The following KLHDC10 variants were observed in gnomAD, a reference collection of about 807,000 sequenced individuals.
KLHDC10 encodes kelch domain-containing protein 10.
A neutral mutation model predicts 56.1 loss-of-function variants in KLHDC10; 24 were observed. The ratio of observed to expected loss-of-function variants is 0.43; its 90% CI spans 0.31 to 0.60. The LOEUF (loss-of-function observed/expected upper bound fraction) is 0.60, where lower values mean the gene tolerates loss of function less well. Among genes scored for constraint, KLHDC10 ranks in the 20% least tolerant of loss-of-function variants. KLHDC10 has a pLI of 0.11. For missense variants in KLHDC10, 349 were observed against 567.0 expected, an observed-to-expected ratio of 0.62 and a Z score of 3.91; for synonymous variants, 188 against 207.1, an observed-to-expected ratio of 0.91 and a Z score of 0.79.
chr7:130,106,689 C>T (rs1796012012), intron 2 of KLHDC10, among the ~76,000 whole-genome samples: 1 of 152,148 alleles, frequency 6.6e-6, no homozygotes, highest in Non-Finnish European at 1.5e-5. Flanking sequence ...TGAATACAAA[C>T]TTTGTGTTGG....
intron 1 of KLHDC10, among the ~76,000 whole-genome samples, chr7:130,089,796 T>A (rs1182717153): frequency 6.6e-6 from 1 of 152,220 alleles, no homozygotes; most frequent in East Asian, 1.9e-4. Context: ...TTATAGATCC[T>A]GAATTGTATA....
At chr7:130,099,007 A>T (rs2116873647) in intron 2 of KLHDC10, among the ~76,000 whole-genome samples, 1 of 152,338 alleles carries the variant, frequency 6.6e-6, no homozygotes, top group South Asian at 2.1e-4. Context: ...CAGCAACATC[A>T]GGATCACTAG....
At chr7:130,099,580 C>A (rs561097553) in intron 2 of KLHDC10, among the ~76,000 whole-genome samples, 1 of 152,084 alleles carries the variant, frequency 6.6e-6, no homozygotes, top group Admixed American at 6.6e-5. Context: ...GGGTTGGATC[C>A]TCTCAAACCA....
rs909813414 is a variant in KLHDC10 at position 130,134,771 on chromosome 7, C to T, written c.*4025C>T. 3 of 151,898 alleles carry T rather than the reference C, an allele frequency of 2.0e-5. No homozygotes were observed. The highest frequency in any genetic ancestry group is 7.3e-5 in the African/African-American group (3 of 41,328). 9.4% of individuals were successfully genotyped at this position (151,898 alleles called of 1,614,324 possible). On this transcript the variant is annotated 3_prime_UTR_variant, in exon 10 of 10. Coordinates refer to ENST00000335420, the MANE Select transcript of KLHDC10 (RefSeq NM_014997.4). ...TTTTTTATTTTTCTGGCATTGAGCT[C>T]TAGGGTGGATGAGGGTTTATGGTCC...
chr7:130,075,548 A>T (rs1317001312), intron 1 of KLHDC10, among the ~76,000 whole-genome samples: 1 of 152,108 alleles, frequency 6.6e-6, no homozygotes, highest in Non-Finnish European at 1.5e-5. Flanking sequence ...CTTTGTGGAG[A>T]TGGTAGCATT....
rs374205614 is a variant in KLHDC10, at chr7:130,100,998, T to TA, written c.253+4003dup. Among the ~76,000 whole-genome samples, 1,163 of 120,902 alleles carry TA rather than the reference T, an allele frequency of 9.6e-3. 13 individuals are homozygous for TA. Among genetic ancestry groups the TA allele is most frequent in the African/African-American group, 0.028 (949 of 34,498 alleles). 79.3% of individuals were successfully genotyped at this position (120,902 alleles called of 152,430 possible). ...AAGACAAAGAATAAATCATTGTAATTAAAAAAAAAAAACAAAAAAAACAGA... is the reference window on the plus strand; with the variant it reads ...AAGACAAAGAATAAATCATTGTAATTAAAAAAAAAAAAACAAAAAAAACAGA... On this transcript the variant is annotated intron_variant, in intron 2 of 9. Coordinates refer to ENST00000335420, the MANE Select transcript of KLHDC10 (RefSeq NM_014997.4).
At chr7:130,108,153 CG>C (rs1276703868) in intron 2 of KLHDC10, among the ~76,000 whole-genome samples, 1 of 149,750 alleles carries the variant, frequency 6.7e-6, no homozygotes, top group African/African-American at 2.5e-5. Context: ...CGCCTGAACC[CG>C]GAGGCGGAAG....
intron 1 of KLHDC10, among the ~76,000 whole-genome samples, chr7:130,080,798 A>G (rs1284203380): frequency 6.6e-6 from 1 of 152,064 alleles, no homozygotes; most frequent in Non-Finnish European, 1.5e-5. Context: ...GTTCATCCAG[A>G]TTTTCAAAAT....
At chr7:130,126,011 T>A in intron 7 of KLHDC10, 80 bp downstream of exon 7, 1 of 1,036,862 alleles carries the variant, frequency 9.6e-7, no homozygotes, top group South Asian at 1.5e-5. Flanking sequence ...AAAAGTAATT[T>A]TACTGAGTTA....
rs543853885 is a variant in KLHDC10 at position 130,106,039 on chromosome 7, C to T, written c.253+9032C>T. Among the ~76,000 whole-genome samples, 51 of 152,170 alleles carry T rather than the reference C, an allele frequency of 3.4e-4. 2 individuals carry two copies. The Middle Eastern group carries it at 0.01, about 30-fold the overall frequency. ...TGGTGCATGCCTGTAATCCTGGCTA[C>T]TCGGGAGACTGAGACAGGAGAATCG... On this transcript the variant is annotated intron_variant, in intron 2 of 9. Coordinates refer to ENST00000335420, the MANE Select transcript of KLHDC10 (RefSeq NM_014997.4).
intron 1 of KLHDC10, among the ~76,000 whole-genome samples, chr7:130,086,490 C>T (rs1349847260): frequency 6.6e-6 from 1 of 152,204 alleles, no homozygotes; most frequent in East Asian, 1.9e-4. Context: ...GTCTCCCTAG[C>T]AGTGCCATCT....
At chr7:130,106,939 C>A (rs761296510) in intron 2 of KLHDC10, among the ~76,000 whole-genome samples, 6 of 152,168 alleles carry the variant, frequency 3.9e-5, no homozygotes, top group Non-Finnish European at 8.8e-5. Flanking sequence ...CTGCTACGTT[C>A]CAGCCTGGGC....
At chr7:130,119,152 T>A (rs1009531215) in intron 3 of KLHDC10, among the ~76,000 whole-genome samples, 17 of 150,600 alleles carry the variant, frequency 1.1e-4, no homozygotes, top group African/African-American at 4.2e-4. Context: ...AAGGCTGCAG[T>A]GAGCCATGTT....
chr7:130,096,860 C>A, intron 1 of KLHDC10, 61 bp from the exon 2 acceptor site: 1 of 1,139,574 alleles, frequency 8.8e-7, no homozygotes, highest in Non-Finnish European at 1.3e-6. Context: ...ACTACAGTAA[C>A]TATGTATTAT....
chr7:130,102,350 G>A (rs1347175136), intron 2 of KLHDC10, among the ~76,000 whole-genome samples: 1 of 152,146 alleles, frequency 6.6e-6, no homozygotes, highest in Non-Finnish European at 1.5e-5. Context: ...ATTAATATGA[G>A]TAGGTGATAA....
rs1796433543 is a variant in KLHDC10 at position 130,133,897 on chromosome 7, G to A, written c.*3151G>A. 6.6e-6 allele frequency: 1 copy of A among 152,026 alleles called. No homozygotes were observed. The highest frequency in any genetic ancestry group is 2.1e-4 in the South Asian group (1 of 4,828). 9.4% of individuals were successfully genotyped at this position (152,026 alleles called of 1,614,324 possible). A position where few individuals can be genotyped will look rare whatever the true frequency, so the allele number is the denominator to read the frequency against. On this transcript the variant is annotated 3_prime_UTR_variant, in exon 10 of 10. Coordinates refer to ENST00000335420, the MANE Select transcript of KLHDC10 (RefSeq NM_014997.4). ...CAGAATAGGTTGAAATCTTAACTGG[G>A]GCTAAACAAAACCCTTTCCATTGGC...
chr7:130,128,268 A>T (rs1796339878), intron 8 of KLHDC10, among the ~76,000 whole-genome samples: 1 of 152,236 alleles, frequency 6.6e-6, no homozygotes, highest in Non-Finnish European at 1.5e-5. Flanking sequence ...AAAAGTTTCC[A>T]GTGCATTTTA....
rs1366255805 is a variant in KLHDC10 at position 130,120,097 on chromosome 7, C to T, written c.476-652C>T. Among the ~76,000 whole-genome samples the T allele has an allele frequency of 1.4e-4, 21 of 152,132 alleles. No individual in the cohort carries two copies. The highest frequency in any genetic ancestry group is 2.9e-5 in the Non-Finnish European group (2 of 68,022). On this transcript the variant is annotated intron_variant, in intron 3 of 9. Coordinates refer to ENST00000335420, the MANE Select transcript of KLHDC10 (RefSeq NM_014997.4). The surrounding 1 kb of genome is among the most constrained non-coding windows in gnomAD (Gnocchi z 5.1). ...CATAATTGTAAATTTAGAAATCATT[C>T]TCCTGGCAAAAACAGAATGTCCCTT...
At chr7:130,080,537 T>G (rs1374982634) in intron 1 of KLHDC10, among the ~76,000 whole-genome samples, 1 of 151,778 alleles carries the variant, frequency 6.6e-6, no homozygotes, top group Non-Finnish European at 1.5e-5. Context: ...GGACTACAGG[T>G]GTACACCACT....
Sources: allele counts gnomAD v4.1 joint callset (sites outside exome capture counted in the v4.1 genomes callset), GRCh38; gene constraint gnomAD v4.1.1; non-coding constraint Gnocchi (gnomAD v3.1); transcripts MANE v1.5; gene names NCBI Gene and HGNC (gene_info 2026-07-23, HGNC 2026-07-21).